The following BAZ1A variants were observed in gnomAD, a reference collection of about 807,000 sequenced individuals.
BAZ1A encodes bromodomain adjacent to zinc finger domain 1A.
BAZ1A carries 50 observed loss-of-function variants against 185.2 expected under a neutral mutation model. That is an observed-to-expected ratio of 0.27 (90% confidence interval 0.22 to 0.34). BAZ1A has a LOEUF of 0.34. Among genes scored for constraint, BAZ1A ranks in the 10% least tolerant of loss-of-function variants. BAZ1A has a pLI of 1.00. For missense variants in BAZ1A, 1,356 were observed against 1,839.9 expected (o/e 0.74, Z 4.81); for synonymous variants, 571 against 615.6 (o/e 0.93, Z 1.07).
chr14:34,851,441 G>A (rs1166385324), intron 3 of BAZ1A, among the ~76,000 whole-genome samples: 1 of 149,348 alleles, frequency 6.7e-6, no homozygotes, highest in African/African-American at 2.5e-5. Flanking sequence ...CAATTTTTCA[G>A]ATTCTCTCAA....
intron 3 of BAZ1A, among the ~76,000 whole-genome samples, chr14:34,848,871 A>G (rs552357553): frequency 6.6e-6 from 1 of 152,224 alleles, no homozygotes; most frequent in Non-Finnish European, 1.5e-5. Flanking sequence ...CTGAAAGAAA[A>G]GGCAGCTTAT....
rs35955993 is a variant in BAZ1A at position 34,872,913 on chromosome 14, T to TAAAAAAAAAA, written c.113+1569_113+1578dup. ...AGCAAGGCCTGTAGCTTTAAAATCC[T>TAAAAAAAAAA]AAAAAAAAAAAAAAAAAAAAAAAAA... is the stretch of plus-strand genomic sequence containing the variant. On this transcript the variant is annotated intron_variant, in intron 2 of 26. Transcript: ENST00000360310. 1.7e-4 allele frequency among the ~76,000 whole-genome samples: 13 copies of TAAAAAAAAAA among 76,188 alleles called. 1 individual carries two copies. Among genetic ancestry groups the TAAAAAAAAAA allele is most frequent in the East Asian group, 7.1e-4 (2 of 2,818 alleles). 50.0% of individuals were successfully genotyped at this position (76,188 alleles called of 152,430 possible).
chr14:34,776,480 T>C lies in BAZ1A; in HGVS notation c.2272A>G (p.Arg758Gly). Residue 758 changes from arginine to glycine, a missense_variant, in exon 18 of 27, where the codon AGG becomes GGG. Coordinates refer to ENST00000360310, the MANE Select transcript of BAZ1A (RefSeq NM_013448.3). ...GTTACACAGTTGATCTGTTCTTGCC[T>C]TGTAAATTCTTTAAATCCATTTTGT... ...RGQNGFKEFTRQEQINCVTRE... is the reference protein window; with the variant it reads ...RGQNGFKEFTGQEQINCVTRE... The C allele has an allele frequency of 6.3e-7, 1 of 1,591,220 alleles. No homozygotes were observed. Among genetic ancestry groups the C allele is most frequent in the South Asian group, 1.2e-5 (1 of 86,762 alleles).
At chr14:34,837,772 C>G (rs2042352335) in intron 3 of BAZ1A, among the ~76,000 whole-genome samples, 1 of 152,128 alleles carries the variant, frequency 6.6e-6, no homozygotes, top group South Asian at 2.1e-4. Context: ...AATAGGTATT[C>G]AATTGTTTGT....
At chr14:34,811,485 G>T (rs2041929348) in intron 4 of BAZ1A, among the ~76,000 whole-genome samples, 2 of 151,716 alleles carry the variant, frequency 1.3e-5, no homozygotes, top group African/African-American at 4.8e-5. Context: ...TTAAGAGACA[G>T]AGTCTCGCCT....
intron 12 of BAZ1A, among the ~76,000 whole-genome samples, chr14:34,789,890 ATTGC>A (rs1164627735): frequency 6.6e-6 from 1 of 152,188 alleles, no homozygotes; most frequent in East Asian, 1.9e-4. Context: ...TCTAGATCAG[ATTGC>A]TTGAACTTGT....
At chr14:34,858,266 AT>A (rs1235704888) in intron 3 of BAZ1A, among the ~76,000 whole-genome samples, 31 of 151,702 alleles carry the variant, frequency 2.0e-4, no homozygotes, top group African/African-American at 7.3e-4. Context: ...TTAAAAAAAA[AT>A]TTTTTTTTGA....
intron 4 of BAZ1A, among the ~76,000 whole-genome samples, chr14:34,820,129 T>G (rs1355893476): frequency 8.4e-5 from 12 of 143,224 alleles, no homozygotes; most frequent in African/African-American, 2.6e-4. Context: ...CTCGTTTTTT[T>G]TTTTTTTTTT....
intron 17 of BAZ1A, among the ~76,000 whole-genome samples, chr14:34,777,819 C>T (rs1879749142): frequency 6.6e-6 from 1 of 151,862 alleles, no homozygotes; most frequent in African/African-American, 2.4e-5. Flanking sequence ...TGGCAAAACC[C>T]ATCATTACTA....
intron 15 of BAZ1A, among the ~76,000 whole-genome samples, 165 bp downstream of exon 15, chr14:34,783,597 G>A (rs530150674): frequency 2.0e-5 from 3 of 152,216 alleles, no homozygotes; most frequent in African/African-American, 7.2e-5. Context: ...AAAGTGCTGG[G>A]ATTGCAGGCG....
chr14:34,774,554 G>C (rs1172293229), intron 18 of BAZ1A, 64 bp from the exon 19 acceptor site: 1 of 1,368,770 alleles, frequency 7.3e-7, no homozygotes, highest in African/African-American at 1.5e-5. Context: ...TACTCCATGT[G>C]GCTGTTATGA....
At chr14:34,782,808 C>T (rs1880128210) in intron 16 of BAZ1A, among the ~76,000 whole-genome samples, 1 of 152,158 alleles carries the variant, frequency 6.6e-6, no homozygotes, top group African/African-American at 2.4e-5. Flanking sequence ...TTGGGTATCT[C>T]TAAATTACTT....
intron 3 of BAZ1A, among the ~76,000 whole-genome samples, chr14:34,829,415 TA>T (rs890875732): frequency 2.1e-3 from 318 of 150,018 alleles, no homozygotes; most frequent in African/African-American, 6.5e-3. Flanking sequence ...TAAATAAAAA[TA>T]AAAAAAAAGA....
chr14:34,823,672 T>A (rs998745500), intron 4 of BAZ1A, among the ~76,000 whole-genome samples: 9 of 151,574 alleles, frequency 5.9e-5, no homozygotes, highest in East Asian at 1.9e-4. Flanking sequence ...AAAAAAAAAA[T>A]TTTTCAGATA....
chr14:34,783,623 G>A (rs1880201472), intron 15 of BAZ1A, 139 bp downstream of exon 15: 1 of 1,132,410 alleles, frequency 8.8e-7, no homozygotes, highest in Admixed American at 2.8e-5. Context: ...CACCACACCT[G>A]GCCTCATTCA....
chr14:34,814,293 CAT>C (rs2041973980), intron 4 of BAZ1A, among the ~76,000 whole-genome samples: 1 of 151,392 alleles, frequency 6.6e-6, no homozygotes, highest in South Asian at 2.1e-4. Context: ...TATATATTAA[CAT>C]ATAAATATAT....
Position 34,869,578 on chromosome 14 carries a change from A to G in BAZ1A, c.113+4914T>C, listed in dbSNP as rs187590761. 1.8e-3 allele frequency among the ~76,000 whole-genome samples: 274 copies of G among 152,342 alleles called. 2 individuals are homozygous for G. Among genetic ancestry groups the G allele is most frequent in the African/African-American group, 6.1e-3 (252 of 41,578 alleles). ...GGGCAAACAACAAGGCAGGTCCACA[A>G]GTTCTTAGGATGGTTTTCATTGTGT... On this transcript the variant is annotated intron_variant, in intron 2 of 26. Transcript: ENST00000360310.
chr14:34,796,898 C>G (rs146060202), intron 9 of BAZ1A, among the ~76,000 whole-genome samples: 7 of 152,318 alleles, frequency 4.6e-5, no homozygotes, highest in Admixed American at 1.3e-4. Context: ...GGTTAACATT[C>G]TAATTCATTG....
At chr14:34,764,181 AGATTCCCCAAATT>A (rs1878643725) in intron 23 of BAZ1A, among the ~76,000 whole-genome samples, 1 of 152,092 alleles carries the variant, frequency 6.6e-6, no homozygotes, top group Non-Finnish European at 1.5e-5. Flanking sequence ...ACTCTCTCTC[AGATTCCCCAAATT>A]ATCAATACTC....
Sources: allele counts gnomAD v4.1 joint callset (sites outside exome capture counted in the v4.1 genomes callset), GRCh38; gene constraint gnomAD v4.1.1; transcripts MANE v1.5; gene names NCBI Gene and HGNC (gene_info 2026-07-23, HGNC 2026-07-21).